The following ZNF230 variants were observed in gnomAD, a reference collection of about 807,000 sequenced individuals.
ZNF230 encodes zinc finger protein 230.
ZNF230 carries 12 observed loss-of-function variants against 10.0 expected under a neutral mutation model. The observed-to-expected ratio is 1.20, with a 90% CI of 0.77 to 1.95. ZNF230 has a LOEUF of 1.95. Ranked by LOEUF, ZNF230 falls within the 30% of genes most tolerant of loss-of-function variation. The pLI is 0.00. For missense variants in ZNF230, 532 were observed against 565.8 expected, an observed-to-expected ratio of 0.94 and a Z score of 0.61; for synonymous variants, 174 against 193.6, an observed-to-expected ratio of 0.90 and a Z score of 0.84.
Position 44,011,080 on chromosome 19 carries a change from G to C in ZNF230, c.1041G>C (p.Trp347Cys). ...AAGAATGTGGGAAGAGCTTCAGATG[G>C]TCCTCATATCTTTTGATCCATCAGC... The part of the protein sequence containing the change: ...NCKECGKSFR[W>C]SSYLLIHQRI... The change falls in exon 5 of 5, where the codon TGG becomes TGC. Residue 347 changes from tryptophan to cysteine, a missense_variant. By Grantham distance (215) the Trp-to-Cys change is radical (BLOSUM62 -2). Coordinates refer to ENST00000429154, the MANE Select transcript of ZNF230 (RefSeq NM_006300.4). 1 of 1,614,184 alleles carries C rather than the reference G, an allele frequency of 6.2e-7. No homozygotes were observed. Among genetic ancestry groups the C allele is most frequent in the Non-Finnish European group, 8.5e-7 (1 of 1,180,026 alleles).
In ZNF230 at chr19:44,013,462, AATTATG is replaced by A. The variant is rs1170179588; in HGVS notation, c.*2007_*2012del. The A allele has an allele frequency of 1.3e-5, 2 of 152,188 alleles. No homozygotes were observed. Among genetic ancestry groups the A allele is most frequent in the African/African-American group, 4.8e-5 (2 of 41,448 alleles). The allele number at this position is 152,188 out of a possible 1,614,324, so 9.4% of individuals were successfully genotyped here. A position where few individuals can be genotyped will look rare whatever the true frequency, so the allele number is the denominator to read the frequency against. ...TTTACCTGGAAATGATGGGATAGGA[AATTATG>A]ATTATGATGTTAAAACTGTGAAAAG... On this transcript the variant is annotated 3_prime_UTR_variant, in exon 5 of 5. Coordinates refer to ENST00000429154, the MANE Select transcript of ZNF230 (RefSeq NM_006300.4).
chr19:44,010,178 A>T, intron 4 of ZNF230, 91 bp from the exon 5 acceptor site: 1 of 1,216,242 alleles, frequency 8.2e-7, no homozygotes, highest in Non-Finnish European at 1.1e-6. Context: ...AACATTCATT[A>T]AAGTTGAATG....
At position 44,013,394 on chromosome 19, in the gene ZNF230, C is replaced by A. The variant is rs896241082; in HGVS notation, c.*1930C>A. ...TTTATTGTTGGCAGTAAAAATAAGT[C>A]TTTTGTAAGCAGTGTATATCAGAAT... On this transcript the variant is annotated 3_prime_UTR_variant, in exon 5 of 5. Coordinates refer to ENST00000429154, the MANE Select transcript of ZNF230 (RefSeq NM_006300.4). 3.2e-4 allele frequency: 48 copies of A among 151,978 alleles called. 1 individual carries two copies. Among genetic ancestry groups the A allele is most frequent in the African/African-American group, 1.1e-3 (47 of 41,368 alleles). 9.4% of individuals were successfully genotyped at this position (151,978 alleles called of 1,614,324 possible).
chr19:44,011,415 G>A lies in ZNF230; in HGVS notation c.1376G>A (p.Arg459Lys), dbSNP rs1404833809. The A allele has an allele frequency of 1.3e-5, 21 of 1,608,114 alleles. No homozygotes were observed. The highest frequency in any genetic ancestry group is 1.6e-5 in the Non-Finnish European group (19 of 1,178,274). ...GAGGACTGTGGGAAGCGCTACAAGA[G>A]GCGCTTGAATCTGGATATAATTTTA... ...KCEDCGKRYKRRLNLDIILSL... is the reference protein window; with the variant it reads ...KCEDCGKRYKKRLNLDIILSL... The change falls in exon 5 of 5, where the codon AGG becomes AAG. Residue 459 changes from arginine (R) to lysine (K), a missense_variant. Physicochemically the swap from Arg to Lys is conservative, Grantham distance 26. Coordinates refer to ENST00000429154, the MANE Select transcript of ZNF230 (RefSeq NM_006300.4).
intron 3 of ZNF230, 47 bp downstream of exon 3, chr19:44,008,963 GC>G (rs1568497463): frequency 1.1e-5 from 17 of 1,608,474 alleles, no homozygotes; most frequent in Non-Finnish European, 1.4e-5. Context: ...CTCAGGAGTG[GC>G]TTTGTATCCT....
At chr19:44,010,021 A>G (rs1976159660) in intron 4 of ZNF230, among the ~76,000 whole-genome samples, 12 of 152,234 alleles carry the variant, frequency 7.9e-5, no homozygotes, top group Admixed American at 7.2e-4. Context: ...TTCCTTAGAA[A>G]TAGTAACAAA....
chr19:44,003,208 C>T (rs951071783), intron 1 of ZNF230, 101 bp downstream of exon 1: 2 of 152,272 alleles, frequency 1.3e-5, no homozygotes, highest in African/African-American at 2.4e-5. Flanking sequence ...TGGCGGGGTC[C>T]TCTGTGCCCT....
chr19:44,008,777 CT>C lies in ZNF230; in HGVS notation c.16-11del. On this transcript the variant is annotated splice_polypyrimidine_tract_variant and intron_variant, in intron 2 of 4. Coordinates refer to ENST00000429154, the MANE Select transcript of ZNF230 (RefSeq NM_006300.4). Reference sequence around the variant, plus strand: ...GGTCATAGGATTGAGGTTATGTATCCTTGATGTTATAGGAGGCAGTGACCTT... The same window carrying C: ...GGTCATAGGATTGAGGTTATGTATCCTGATGTTATAGGAGGCAGTGACCTT... 6.2e-7 allele frequency: 1 copy of C among 1,612,930 alleles called. No homozygotes were observed. Among genetic ancestry groups the C allele is most frequent in the Non-Finnish European group, 8.5e-7 (1 of 1,179,320 alleles).
chr19:44,010,297 ACATGAAGACTG>A lies in ZNF230; in HGVS notation c.260_270del (p.His87ProfsTer12). 1 of 1,612,242 alleles carries A rather than the reference ACATGAAGACTG, an allele frequency of 6.2e-7. No individual in the cohort carries two copies. Among genetic ancestry groups the A allele is most frequent in the South Asian group, 1.1e-5 (1 of 90,868 alleles). On this transcript the variant is annotated frameshift_variant, in exon 5 of 5. Transcript: ENST00000429154. LOFTEE classifies it low-confidence loss of function (END_TRUNC). ...GCAAGACTATTGCGGAAGCAGGACC[ACATGAAGACTG>A]CCCTTGCCAGCAAATCTGGGAACAA...
rs1312751018 is a variant in ZNF230, at chr19:44,013,515, T to C, written c.*2051T>C. On this transcript the variant is annotated 3_prime_UTR_variant, in exon 5 of 5. Coordinates refer to ENST00000429154, the MANE Select transcript of ZNF230 (RefSeq NM_006300.4). ...AAAGTAGAAAACCACATGGATGATA[T>C]CACCCCATTTTAAAATGGAATAAGT... The C allele has an allele frequency of 6.6e-6, 1 of 152,214 alleles. No homozygotes were observed. The highest frequency in any genetic ancestry group is 2.4e-5 in the African/African-American group (1 of 41,448). 9.4% of individuals were successfully genotyped at this position (152,214 alleles called of 1,614,324 possible).
At position 44,010,942 on chromosome 19, in the gene ZNF230, C is replaced by T; in HGVS notation, c.903C>T (p.Val301=). 3 of 1,614,114 alleles carry T rather than the reference C, an allele frequency of 1.9e-6. No individual in the cohort carries two copies. Among genetic ancestry groups the T allele is most frequent in the Non-Finnish European group, 2.5e-6 (3 of 1,180,022 alleles). ...CAAGTCTTAATAGGCATTGCATGGT[C>T]CACACAGCAGAGAAACTGTACAAAT... is the stretch of plus-strand genomic sequence containing the variant. ...LRSSLNRHCM[V]HTAEKLYKSE... is the part of the protein sequence containing the mutation. The change falls in exon 5 of 5, where the codon GTC becomes GTT. Residue 301 remains valine, a synonymous_variant. Transcript: ENST00000429154.
rs1462411407 is a variant in ZNF230, at chr19:44,011,746, C to T, written c.*282C>T. On this transcript the variant is annotated 3_prime_UTR_variant, in exon 5 of 5. Coordinates refer to ENST00000429154, the MANE Select transcript of ZNF230 (RefSeq NM_006300.4). ...GCTATCTCACCTAACCCCTACACTT[C>T]CCTGCTTCTAGAACCACTGTTTTAC... is the stretch of plus-strand genomic sequence containing the variant. The T allele has an allele frequency of 3.3e-6, 1 of 303,614 alleles. No homozygotes were observed. The highest frequency in any genetic ancestry group is 6.2e-6 in the Non-Finnish European group (1 of 161,240). The allele number at this position is 303,614 out of a possible 1,614,324, so 18.8% of individuals were successfully genotyped here.
rs781235148 is a variant in ZNF230 at position 44,010,778 on chromosome 19, A to G, written c.739A>G (p.Thr247Ala). The G allele has an allele frequency of 2.5e-6, 4 of 1,614,096 alleles. No homozygotes were observed. The Admixed American group carries it at 6.7e-5, about 27-fold the overall frequency. Residue 247 changes from threonine to alanine, a missense_variant, in exon 5 of 5, where the codon ACA becomes GCA. Thr to Ala is a moderately conservative substitution (Grantham distance 58). Transcript: ENST00000429154. ...AILQVHCKLH[T>A]GEKPYICEKC... is the part of the protein sequence containing the mutation. ...ACTTCAAGTTCACTGCAAATTACACACAGGAGAGAAACCTTATATTTGTGA... is the reference window on the plus strand; with the variant it reads ...ACTTCAAGTTCACTGCAAATTACACGCAGGAGAGAAACCTTATATTTGTGA...
At position 44,011,159 on chromosome 19, in the gene ZNF230, A is replaced by G. The variant is rs1976178370; in HGVS notation, c.1120A>G (p.Ile374Val). ...ATGTGAGGAGTGTGGGAAGGGCTAC[A>G]TTAGTAAGTCAGGTCTTAACTTGCA... ...YRCEECGKGY[I>V]SKSGLNLHQR... The change falls in exon 5 of 5, where the codon ATT (isoleucine) becomes GTT (valine). Residue 374 changes from isoleucine to valine, a missense_variant. Transcript: ENST00000429154. The G allele has an allele frequency of 1.2e-6, 2 of 1,614,206 alleles. No homozygotes were observed. The highest frequency in any genetic ancestry group is 1.1e-5 in the South Asian group (1 of 91,088).
At chr19:44,005,659 C>T (rs1415394846) in intron 1 of ZNF230, among the ~76,000 whole-genome samples, 2 of 152,064 alleles carry the variant, frequency 1.3e-5, no homozygotes, top group African/African-American at 4.8e-5. Context: ...GAGGCAACGG[C>T]GGGTGGATCT....
At chr19:44,009,407 AAAGCCTTT>A (rs1163905765) in intron 4 of ZNF230, 2 of 577,638 alleles carry the variant, frequency 3.5e-6, no homozygotes, top group Admixed American at 3.1e-5. Flanking sequence ...CCTTGGTCCA[AAAGCCTTT>A]ATGGTTTATT....
rs763836176 is a variant in ZNF230 at position 44,011,191 on chromosome 19, G to A, written c.1152G>A (p.Arg384=). 4.3e-6 allele frequency: 7 copies of A among 1,613,828 alleles called. No individual in the cohort carries two copies. Among genetic ancestry groups the A allele is most frequent in the Non-Finnish European group, 5.9e-6 (7 of 1,179,960 alleles). ...ISKSGLNLHQ[R]VHTGERPYNC... ...AGTCAGGTCTTAACTTGCACCAGAG[G>A]GTCCATACTGGAGAGAGACCTTATA... Residue 384 remains arginine, a synonymous_variant, in exon 5 of 5, where the codon AGG becomes AGA. Coordinates refer to ENST00000429154, the MANE Select transcript of ZNF230 (RefSeq NM_006300.4).
rs769988558 is a variant in ZNF230, at chr19:44,010,538, T to C, written c.499T>C (p.Ser167Pro). ...TCAGCAGTTCCACTCAGGAGAGAAG[T>C]CTCATACATGCAATGAGTGTGGAAA... is the stretch of plus-strand genomic sequence containing the variant. ...PPQQFHSGEK[S>P]HTCNECGKSF... Residue 167 changes from serine (S) to proline (P), a missense_variant, in exon 5 of 5, where the codon TCT becomes CCT. Transcript: ENST00000429154. The C allele has an allele frequency of 1.2e-6, 2 of 1,614,112 alleles. No individual in the cohort carries two copies. Among genetic ancestry groups the C allele is most frequent in the African/African-American group, 2.7e-5 (2 of 74,944 alleles).
chr19:44,008,600 A>G (rs1401575011), intron 2 of ZNF230, among the ~76,000 whole-genome samples, 190 bp from the exon 3 acceptor site: 2 of 152,182 alleles, frequency 1.3e-5, no homozygotes, highest in East Asian at 1.9e-4. Context: ...TGCACAAAGT[A>G]AAAATACAGG....
Sources: allele counts gnomAD v4.1 joint callset (sites outside exome capture counted in the v4.1 genomes callset), GRCh38; gene constraint gnomAD v4.1.1; transcripts MANE v1.5; gene names NCBI Gene and HGNC (gene_info 2026-07-23, HGNC 2026-07-21).